Variants in RGS7 observed in about 807,000 individuals in gnomAD.
The protein encoded by RGS7 is regulator of G-protein signaling 7.
RGS7 carries 27 observed loss-of-function variants against 81.1 expected under a neutral mutation model. The ratio of observed to expected loss-of-function variants is 0.33; its 90% CI spans 0.25 to 0.46. RGS7 has a LOEUF of 0.46. Among genes scored for constraint, RGS7 ranks in the 20% least tolerant of loss-of-function variants. RGS7 has a pLI of 1.00. For missense variants in RGS7, 396 were observed against 607.4 expected (o/e 0.65, Z 3.66); for synonymous variants, 208 against 207.7 (o/e 1.00, Z -0.01).
chr1:240,826,976 G>T, intron 10 of RGS7, 122 bp downstream of exon 10: 1 of 833,758 alleles, frequency 1.2e-6, no homozygotes, highest in Non-Finnish European at 2.1e-6. Flanking sequence ...AGGGAGGGCT[G>T]TGGAAGGCTG....
At chr1:240,873,274 C>A (rs1411054311) in intron 6 of RGS7, among the ~76,000 whole-genome samples, 2 of 152,044 alleles carry the variant, frequency 1.3e-5, no homozygotes, top group African/African-American at 4.8e-5. Flanking sequence ...TTGAAAATAT[C>A]AACTAATGAT....
intron 4 of RGS7, among the ~76,000 whole-genome samples, chr1:240,977,924 G>A (rs901332543): frequency 6.6e-6 from 1 of 152,142 alleles, no homozygotes; most frequent in Non-Finnish European, 1.5e-5. Context: ...CTTGGCAATG[G>A]ACAATGTTGA....
intron 3 of RGS7, among the ~76,000 whole-genome samples, chr1:241,086,399 C>T (rs1490915860): frequency 6.6e-6 from 1 of 151,994 alleles, no homozygotes; most frequent in Admixed American, 6.6e-5. Flanking sequence ...AACTCACCTG[C>T]CCCCCTCACT....
chr1:241,168,248 G>C (rs2070426274), intron 2 of RGS7, among the ~76,000 whole-genome samples: 1 of 152,192 alleles, frequency 6.6e-6, no homozygotes, highest in African/African-American at 2.4e-5. Flanking sequence ...GTGGATTCAG[G>C]AGGGATAAAG....
chr1:241,108,167 A>G (rs2065254026), intron 2 of RGS7, among the ~76,000 whole-genome samples: 1 of 151,912 alleles, frequency 6.6e-6, no homozygotes, highest in Admixed American at 6.6e-5. Context: ...AGCTGGGCGT[A>G]GTGACGCGCG....
intron 2 of RGS7, among the ~76,000 whole-genome samples, chr1:241,211,183 G>T (rs1310669269): frequency 1.3e-5 from 2 of 152,134 alleles, no homozygotes; most frequent in African/African-American, 2.4e-5. Flanking sequence ...TACTCGGGAG[G>T]CTGAGTCAGG....
In RGS7 at chr1:241,189,960, G is replaced by A. The variant is rs1294986044; in HGVS notation, c.79-91198C>T. Among the ~76,000 whole-genome samples the A allele has an allele frequency of 9.2e-5, 14 of 152,190 alleles. No individual in the cohort carries two copies. In the East Asian group the frequency reaches 1.2e-3, roughly 13 times the overall value. ...CTACTAAAAATACAAAAATTTAGCC[G>A]GGCGCGGTGGTGGGCACCTGTAGTC... On this transcript the variant is annotated intron_variant, in intron 2 of 18. Transcript: ENST00000440928.
At chr1:240,782,507 C>T (rs1053723283) in intron 18 of RGS7, among the ~76,000 whole-genome samples, 4 of 152,156 alleles carry the variant, frequency 2.6e-5, no homozygotes, top group Non-Finnish European at 2.9e-5. Context: ...ACTGCAGCTT[C>T]GACCTCCCAG....
At chr1:240,777,138 T>G (rs1683083164) in intron 18 of RGS7, among the ~76,000 whole-genome samples, 1 of 152,052 alleles carries the variant, frequency 6.6e-6, no homozygotes, top group African/African-American at 2.4e-5. Flanking sequence ...CTACTAAAAG[T>G]ACAAAAATAA....
intron 9 of RGS7, among the ~76,000 whole-genome samples, chr1:240,839,122 T>C (rs919991261): frequency 2.0e-5 from 3 of 152,222 alleles, no homozygotes; most frequent in African/African-American, 7.2e-5. Flanking sequence ...CAACTCCTAA[T>C]GCCTTTTGAG....
At chr1:241,337,007 C>T (rs1225660470) in intron 2 of RGS7, among the ~76,000 whole-genome samples, 2 of 152,126 alleles carry the variant, frequency 1.3e-5, no homozygotes, top group African/African-American at 4.8e-5. Flanking sequence ...TAGAGAAAAA[C>T]AAGATGTGGA....
chr1:241,252,900 CT>C (rs1219660323), intron 2 of RGS7, among the ~76,000 whole-genome samples: 2 of 152,178 alleles, frequency 1.3e-5, no homozygotes, highest in African/African-American at 4.8e-5. Context: ...TATCCTCGGA[CT>C]TGCTTCTAAG....
intron 14 of RGS7, among the ~76,000 whole-genome samples, 192 bp from the exon 15 acceptor site, chr1:240,806,518 TTATTAATAAAAATATAAAAA>T (rs1211900448): frequency 3.3e-5 from 5 of 149,608 alleles, no homozygotes; most frequent in South Asian, 2.1e-4. Context: ...TGAAAAATAA[TTATTAATAAAAATATAAAAA>T]TATTAATAAA....
chr1:241,220,398 T>C (rs2074822552), intron 2 of RGS7, among the ~76,000 whole-genome samples: 1 of 152,204 alleles, frequency 6.6e-6, no homozygotes, highest in Non-Finnish European at 1.5e-5. Flanking sequence ...TCTAGAGAGA[T>C]AGGGTCCAGG....
intron 2 of RGS7, among the ~76,000 whole-genome samples, chr1:241,192,762 T>C (rs1370274473): frequency 6.6e-6 from 1 of 152,114 alleles, no homozygotes; most frequent in Non-Finnish European, 1.5e-5. Flanking sequence ...TTCTCACTCC[T>C]CACTTCATTC....
chr1:241,230,251 T>C (rs2075575256), intron 2 of RGS7, among the ~76,000 whole-genome samples: 1 of 152,172 alleles, frequency 6.6e-6, no homozygotes, highest in African/African-American at 2.4e-5. Flanking sequence ...TCTTACTCCA[T>C]AGCCCAGGCT....
In RGS7 at chr1:241,211,356, T is replaced by C. The variant is rs112001919; in HGVS notation, c.79-112594A>G. Among the ~76,000 whole-genome samples, 845 of 152,270 alleles carry C rather than the reference T, an allele frequency of 5.5e-3. 10 individuals carry two copies. The highest frequency in any genetic ancestry group is 0.019 in the African/African-American group (805 of 41,556). On this transcript the variant is annotated intron_variant, in intron 2 of 18. Transcript: ENST00000440928. ...CAATATTAGTCAGATAAGAGTCTCA[T>C]ATTATGTGGGAACCATGCCATTTTA...
chr1:240,928,090 T>C (rs1674766141), intron 6 of RGS7, among the ~76,000 whole-genome samples: 1 of 152,228 alleles, frequency 6.6e-6, no homozygotes. Context: ...TCTTGTTGCA[T>C]ACATTACCCG....
At chr1:241,018,469 C>T (rs1398018724) in intron 3 of RGS7, among the ~76,000 whole-genome samples, 1 of 152,008 alleles carries the variant, frequency 6.6e-6, no homozygotes, top group Non-Finnish European at 1.5e-5. Context: ...CTATAGATAC[C>T]AGAGGCTTTA....
Sources: allele counts gnomAD v4.1 joint callset (sites outside exome capture counted in the v4.1 genomes callset), GRCh38; gene constraint gnomAD v4.1.1; transcripts MANE v1.5; gene names NCBI Gene and HGNC (gene_info 2026-07-23, HGNC 2026-07-21).